GRM7: variants seen among roughly 807,000 people sequenced by gnomAD.
GRM7 encodes the protein glutamate metabotropic receptor 7.
A neutral mutation model predicts 84.5 loss-of-function variants in GRM7; 35 were observed. That is an observed-to-expected ratio of 0.41 (90% confidence interval 0.32 to 0.55). The LOEUF (loss-of-function observed/expected upper bound fraction) is 0.55. Ranked by LOEUF, GRM7 falls within the 20% of genes least tolerant of loss-of-function variation. The probability of loss-of-function intolerance (pLI) is 0.19; values close to 1 mark genes in which losing one functional copy is unlikely to be tolerated. For missense variants in GRM7, 1,003 were observed against 1,194.6 expected, an observed-to-expected ratio of 0.84 and a Z score of 2.36; for synonymous variants, 487 against 455.1, an observed-to-expected ratio of 1.07 and a Z score of -0.89.
chr3:7,269,287 G>T (rs1446142009), intron 2 of GRM7, among the ~76,000 whole-genome samples: 1 of 152,154 alleles, frequency 6.6e-6, no homozygotes, highest in Non-Finnish European at 1.5e-5. Context: ...AGCCAAAGTG[G>T]TCACTCTCTT....
intron 2 of GRM7, among the ~76,000 whole-genome samples, chr3:7,263,704 C>A (rs1268435089): frequency 1.3e-5 from 2 of 152,106 alleles, no homozygotes; most frequent in Non-Finnish European, 2.9e-5. Context: ...GCTTTCCATG[C>A]CTAGTTTCGT....
chr3:7,599,016 T>C (rs1696183319), intron 8 of GRM7, among the ~76,000 whole-genome samples: 1 of 152,194 alleles, frequency 6.6e-6, no homozygotes, highest in Non-Finnish European at 1.5e-5. Context: ...GAATTTCTAC[T>C]CAGATATTTC....
intron 7 of GRM7, among the ~76,000 whole-genome samples, chr3:7,518,208 G>A (rs779120046): frequency 2.4e-4 from 36 of 152,130 alleles, no homozygotes; most frequent in Non-Finnish European, 4.3e-4. Flanking sequence ...TTCAGCAAGC[G>A]GCTTCAATGT....
intron 2 of GRM7, among the ~76,000 whole-genome samples, chr3:7,255,597 A>T (rs1401430874): frequency 1.3e-5 from 2 of 152,218 alleles, no homozygotes; most frequent in Non-Finnish European, 2.9e-5. Context: ...ATCCAAAATG[A>T]CCTAAAAACA....
intron 8 of GRM7, among the ~76,000 whole-genome samples, chr3:7,622,668 G>T (rs952471640): frequency 1.3e-5 from 2 of 152,108 alleles, no homozygotes; most frequent in African/African-American, 4.8e-5. Context: ...AAGGGAGGCA[G>T]AACCTGTAGG....
intron 5 of GRM7, among the ~76,000 whole-genome samples, chr3:7,435,044 T>G (rs2124857342): frequency 6.6e-6 from 1 of 152,308 alleles, no homozygotes; most frequent in East Asian, 1.9e-4. Context: ...TCTTAAATTT[T>G]TTTTCATTTT....
chr3:7,382,080 A>C (rs528553747), intron 4 of GRM7, among the ~76,000 whole-genome samples: 1 of 152,308 alleles, frequency 6.6e-6, no homozygotes, highest in African/African-American at 2.4e-5. Flanking sequence ...CATCAATAAT[A>C]TTTTATGAAA....
intron 8 of GRM7, among the ~76,000 whole-genome samples, chr3:7,600,285 A>T (rs376719042): frequency 6.6e-6 from 1 of 152,126 alleles, no homozygotes; most frequent in East Asian, 1.9e-4. Flanking sequence ...AGGGAAACAG[A>T]TTTTCTTTAT....
rs1012334483 is a variant in GRM7 at position 7,198,177 on chromosome 3, A to G, written c.736+51509A>G. 2.0e-5 allele frequency among the ~76,000 whole-genome samples: 3 copies of G among 151,680 alleles called. No individual in the cohort carries two copies. In the East Asian group the frequency reaches 5.8e-4, roughly 29 times the overall value. On this transcript the variant is annotated intron_variant, in intron 2 of 9. Coordinates refer to ENST00000357716, the MANE Select transcript of GRM7 (RefSeq NM_000844.4). Reference sequence around the variant, plus strand: ...TGTTAAAAAAAAAAAAAAGAGAGAGATGGAAAACAGGCACACTAGCTAAAG... The same window carrying G: ...TGTTAAAAAAAAAAAAAAGAGAGAGGTGGAAAACAGGCACACTAGCTAAAG...
At chr3:7,388,051 A>G (rs1488174111) in intron 4 of GRM7, among the ~76,000 whole-genome samples, 1 of 152,032 alleles carries the variant, frequency 6.6e-6, no homozygotes, top group African/African-American at 2.4e-5. Flanking sequence ...TTTCGTGGCC[A>G]TTATAAATGG....
intron 1 of GRM7, among the ~76,000 whole-genome samples, chr3:6,912,988 A>T (rs1232207043): frequency 6.6e-6 from 1 of 152,146 alleles, no homozygotes; most frequent in Non-Finnish European, 1.5e-5. Flanking sequence ...GGATTATAGC[A>T]TTATTCCCTT....
chr3:7,662,539 T>A (rs1269939496), intron 8 of GRM7, among the ~76,000 whole-genome samples: 1 of 152,178 alleles, frequency 6.6e-6, no homozygotes, highest in Non-Finnish European at 1.5e-5. Flanking sequence ...AATGGAGAAA[T>A]TTGACTTTGT....
chr3:7,509,614 A>G (rs1700138051), intron 7 of GRM7, among the ~76,000 whole-genome samples: 1 of 152,238 alleles, frequency 6.6e-6, no homozygotes, highest in Admixed American at 6.5e-5. Flanking sequence ...TCCTCTAGGA[A>G]GAGGTGCATT....
At position 7,410,789 on chromosome 3, in the gene GRM7, A is replaced by G. The variant is rs147733607; in HGVS notation, c.1034-4234A>G. On this transcript the variant is annotated intron_variant, in intron 4 of 9. Coordinates refer to ENST00000357716, the MANE Select transcript of GRM7 (RefSeq NM_000844.4). ...AACAATGTTATCATTTGGACCAAAG[A>G]GAAGCTAGTAAGGTATATACCACAA... is the stretch of plus-strand genomic sequence containing the variant. 3.5e-3 allele frequency among the ~76,000 whole-genome samples: 539 copies of G among 152,268 alleles called. 6 individuals carry two copies. The highest frequency in any genetic ancestry group is 0.023 in the South Asian group (113 of 4,822).
intron 9 of GRM7, among the ~76,000 whole-genome samples, chr3:7,732,549 G>C (rs1043600765): frequency 6.6e-6 from 1 of 152,154 alleles, no homozygotes; most frequent in African/African-American, 2.4e-5. Flanking sequence ...AAAAGGCAAA[G>C]AAGGACATTA....
At chr3:7,164,850 G>A (rs187582617) in intron 2 of GRM7, among the ~76,000 whole-genome samples, 205 of 152,306 alleles carry the variant, frequency 1.3e-3, no homozygotes, top group Non-Finnish European at 2.3e-3. Context: ...GCAGAGTCTA[G>A]GAGAGAAGAT....
intron 2 of GRM7, among the ~76,000 whole-genome samples, chr3:7,291,051 C>T (rs1321027185): frequency 6.6e-6 from 1 of 152,090 alleles, no homozygotes; most frequent in Non-Finnish European, 1.5e-5. Context: ...GTCCACAAAT[C>T]CATGCAGGTG....
chr3:7,482,598 A>G (rs908060525), intron 7 of GRM7, among the ~76,000 whole-genome samples: 1 of 152,214 alleles, frequency 6.6e-6, no homozygotes, highest in African/African-American at 2.4e-5. Flanking sequence ...GAGAGGCTAT[A>G]AGATATAAAG....
intron 8 of GRM7, among the ~76,000 whole-genome samples, chr3:7,621,545 A>C (rs934331571): frequency 7.2e-5 from 11 of 152,126 alleles, no homozygotes; most frequent in Non-Finnish European, 1.5e-5. Context: ...ATGGAGTTGA[A>C]ATGCTTGTGT....
Sources: gnomAD v4.1 joint callset for allele counts (sites outside exome capture counted in the v4.1 genomes callset) on GRCh38, gnomAD v4.1.1 for gene constraint, MANE v1.5 for transcripts, NCBI Gene and HGNC (gene_info 2026-07-23, HGNC 2026-07-21) for gene names.